Variants in LINGO2 observed in about 807,000 individuals in gnomAD.
The protein encoded by LINGO2 is leucine rich repeat and Ig domain containing 2, also known as leucine-rich repeat and immunoglobulin-like domain-containing nogo receptor-interacting protein 2.
A neutral mutation model predicts 30.6 loss-of-function variants in LINGO2; 14 were observed. The observed-to-expected ratio is 0.46, with a 90% confidence interval of 0.30 to 0.72. The LOEUF (loss-of-function observed/expected upper bound fraction) is 0.72, where lower values mean the gene tolerates loss of function less well. LINGO2 is among the 30% of genes least tolerant of loss of function. The pLI is 0.07. For missense variants in LINGO2, 729 were observed against 751.7 expected, an observed-to-expected ratio of 0.97 and a Z score of 0.35; for synonymous variants, 317 against 288.5, an observed-to-expected ratio of 1.10 and a Z score of -1.00.
intron 1 of LINGO2, among the ~76,000 whole-genome samples, chr9:28,544,644 C>G (rs991511380): frequency 9.2e-5 from 14 of 151,584 alleles, no homozygotes; most frequent in Non-Finnish European, 1.8e-4. Context: ...GCTGTTACAA[C>G]AAGAAGAATA....
chr9:28,321,339 T>G lies in LINGO2; in HGVS notation c.-245-25973A>C, dbSNP rs1825034948. On this transcript the variant is annotated intron_variant, in intron 3 of 5. Transcript: ENST00000379992. Reference sequence around the variant, plus strand: ...ATCATTCAGCCCACAAGATATAACATGTTAGAGGCAGAGAAAACTGCATAT... The same window carrying G: ...ATCATTCAGCCCACAAGATATAACAGGTTAGAGGCAGAGAAAACTGCATAT... Among the ~76,000 whole-genome samples, 3 of 152,060 alleles carry G rather than the reference T, an allele frequency of 2.0e-5. No homozygotes were observed. In the South Asian group the frequency reaches 6.2e-4, roughly 32 times the overall value.
At chr9:28,910,895 A>G in the LINGO2 span, among the ~76,000 whole-genome samples, 1 of 152,098 alleles carries the variant, frequency 6.6e-6, no homozygotes, top group Non-Finnish European at 1.5e-5. Context: ...ATAGAGAAAA[A>G]AATTTGTTGT....
chr9:28,671,156 C>T (rs1828993480), upstream of LINGO2, among the ~76,000 whole-genome samples: 1 of 152,024 alleles, frequency 6.6e-6, no homozygotes, highest in African/African-American at 2.4e-5. Context: ...CTCCAAGCCT[C>T]ACACATGTTA....
chr9:29,096,883 C>G, the LINGO2 span, among the ~76,000 whole-genome samples: 4 of 138,900 alleles, frequency 2.9e-5, 1 homozygote, highest in Non-Finnish European at 6.2e-5. Context: ...CAACATTATA[C>G]TGATTTTAGT....
the LINGO2 span, among the ~76,000 whole-genome samples, chr9:28,987,276 G>A: frequency 6.1e-4 from 93 of 151,852 alleles, no homozygotes; most frequent in Non-Finnish European, 1.0e-3. Context: ...GTCTTGGTAG[G>A]TTGTATGTGT....
intron 1 of LINGO2, among the ~76,000 whole-genome samples, chr9:28,580,123 C>T (rs745983343): frequency 4.7e-4 from 71 of 152,180 alleles, no homozygotes; most frequent in Middle Eastern, 3.4e-3. Flanking sequence ...GAATCCTCTT[C>T]AAACCTTGTT....
intron 2 of LINGO2, among the ~76,000 whole-genome samples, chr9:28,401,787 G>A (rs376964466): frequency 2.6e-5 from 4 of 152,010 alleles, no homozygotes; most frequent in East Asian, 3.9e-4. Flanking sequence ...CCACAGCCTC[G>A]CCAGCATCTA....
At chr9:28,438,954 T>A (rs968630871) in intron 2 of LINGO2, among the ~76,000 whole-genome samples, 1 of 146,760 alleles carries the variant, frequency 6.8e-6, no homozygotes, top group African/African-American at 2.5e-5. Context: ...GAAATATAGA[T>A]AATATGTGTA....
chr9:27,977,484 G>GTTTTTATTTAT (rs1273412106), intron 5 of LINGO2, among the ~76,000 whole-genome samples: 7 of 151,808 alleles, frequency 4.6e-5, no homozygotes, highest in Non-Finnish European at 1.0e-4. Context: ...AGATTACGAC[G>GTTTTTATTTAT]ACTCCCTGAC....
intron 4 of LINGO2, among the ~76,000 whole-genome samples, chr9:28,290,342 C>A (rs143457839): frequency 6.6e-6 from 1 of 152,308 alleles, no homozygotes; most frequent in Admixed American, 6.5e-5. Flanking sequence ...CCCATACCAA[C>A]TTACGCCTCA....
the LINGO2 span, among the ~76,000 whole-genome samples, chr9:28,733,953 T>C: frequency 6.6e-6 from 1 of 152,148 alleles, no homozygotes; most frequent in South Asian, 2.1e-4. Context: ...TCACAGCAAG[T>C]TTAAGAAATA....
At chr9:28,846,691 T>A in the LINGO2 span, among the ~76,000 whole-genome samples, 1 of 147,194 alleles carries the variant, frequency 6.8e-6, no homozygotes, top group Non-Finnish European at 1.5e-5. Context: ...GACCCAACAG[T>A]TCTAATTACC....
intron 4 of LINGO2, among the ~76,000 whole-genome samples, chr9:28,052,561 T>TAC (rs1490985571): frequency 2.6e-5 from 4 of 152,188 alleles, no homozygotes; most frequent in Admixed American, 1.3e-4. Context: ...GCCAGTCCTT[T>TAC]ACCTGGAAGC....
At chr9:29,182,771 GCATC>G in the LINGO2 span, among the ~76,000 whole-genome samples, 2 of 151,880 alleles carry the variant, frequency 1.3e-5, no homozygotes, top group Non-Finnish European at 1.5e-5. Context: ...GAGTAACATG[GCATC>G]AGAAGACAAC....
chr9:28,615,255 A>G (rs1451267869), intron 1 of LINGO2, among the ~76,000 whole-genome samples: 1 of 152,176 alleles, frequency 6.6e-6, no homozygotes, highest in Non-Finnish European at 1.5e-5. Flanking sequence ...ATTCAATGAT[A>G]TGTACACTCT....
chr9:28,298,294 C>T (rs577519652), intron 3 of LINGO2, among the ~76,000 whole-genome samples: 1 of 152,036 alleles, frequency 6.6e-6, no homozygotes, highest in East Asian at 1.9e-4. Context: ...TGAAACTCTG[C>T]TATTACTGGG....
chr9:28,815,848 C>T, the LINGO2 span, among the ~76,000 whole-genome samples: 1 of 152,300 alleles, frequency 6.6e-6, no homozygotes, highest in African/African-American at 2.4e-5. Context: ...TAAATCCCCA[C>T]CTTAGTCTTG....
chr9:28,094,252 T>A (rs760115456), intron 4 of LINGO2, among the ~76,000 whole-genome samples: 5 of 152,152 alleles, frequency 3.3e-5, no homozygotes, highest in African/African-American at 7.2e-5. Flanking sequence ...GATAAGATGC[T>A]GGAGAAAATT....
At chr9:28,123,779 T>G (rs1261119771) in intron 4 of LINGO2, among the ~76,000 whole-genome samples, 2 of 152,106 alleles carry the variant, frequency 1.3e-5, no homozygotes, top group Admixed American at 1.3e-4. Context: ...TTTTCCTGCC[T>G]CAGCCTCCTG....
Sources: gnomAD v4.1 joint callset for allele counts (sites outside exome capture counted in the v4.1 genomes callset) on GRCh38, gnomAD v4.1.1 for gene constraint, MANE v1.5 for transcripts, NCBI Gene and HGNC (gene_info 2026-07-23, HGNC 2026-07-21) for gene names.